PTPRS: variants seen among roughly 807,000 people sequenced by gnomAD.
PTPRS encodes the protein protein tyrosine phosphatase receptor type S, also known as receptor-type tyrosine-protein phosphatase S.
In PTPRS, 63 loss-of-function variants were observed where a neutral mutation model predicts 215.3. That is an observed-to-expected ratio of 0.29 (90% CI 0.24 to 0.36). PTPRS has a LOEUF of 0.36. PTPRS is among the 10% of genes least tolerant of loss of function. The probability of loss-of-function intolerance (pLI) is 1.00; values close to 1 mark genes in which losing one functional copy is unlikely to be tolerated. For missense variants in PTPRS, 2,258 were observed against 2,825.8 expected, an observed-to-expected ratio of 0.80 and a Z score of 4.56; for synonymous variants, 1,404 against 1,191.4, an observed-to-expected ratio of 1.18 and a Z score of -3.68.
At position 5,245,790 on chromosome 19, in the gene PTPRS, T is replaced by C. The variant is rs1406625017; in HGVS notation, c.974A>G (p.Gln325Arg). 1 of 1,602,604 alleles carries C rather than the reference T, an allele frequency of 6.2e-7. No individual in the cohort carries two copies. The highest frequency in any genetic ancestry group is 1.7e-5 in the Admixed American group (1 of 59,206). The change falls in exon 10 of 38, where the codon CAG becomes CGG. Residue 325 changes from glutamine (Q) to arginine (R), a missense_variant. Physicochemically the swap from Gln to Arg is conservative, Grantham distance 43. This residue lies in a region of PTPRS where 508 missense variants were observed against 799.4 expected (regional missense o/e 0.64). Coordinates refer to ENST00000262963, the MANE Select transcript of PTPRS (RefSeq NM_002850.4). The part of the protein sequence containing the change: ...SSLGVIEAVA[Q>R]ITVKSLPKAP... Reference sequence around the variant, plus strand: ...GCCCTGCTCACATTTCACCGTGATCTGAGCAACCGCCTCAATGACGCCCAG... The same window carrying C: ...GCCCTGCTCACATTTCACCGTGATCCGAGCAACCGCCTCAATGACGCCCAG...
intron 1 of PTPRS, among the ~76,000 whole-genome samples, chr19:5,321,142 G>A (rs568071621): frequency 6.6e-6 from 1 of 152,148 alleles, no homozygotes; most frequent in South Asian, 2.1e-4. Context: ...GCATGGTGGT[G>A]TGCACCTATA....
chr19:5,228,927 C>T (rs921877817), intron 16 of PTPRS, among the ~76,000 whole-genome samples: 1 of 152,130 alleles, frequency 6.6e-6, no homozygotes, highest in Non-Finnish European at 1.5e-5. Context: ...AATTGAGTGA[C>T]AGTAAAGGGT....
At chr19:5,209,480 G>GTA (rs1380504766) in intron 35 of PTPRS, among the ~76,000 whole-genome samples, 1 of 152,116 alleles carries the variant, frequency 6.6e-6, no homozygotes, top group African/African-American at 2.4e-5. Context: ...GCCATCCAAT[G>GTA]TACCATCTTT....
chr19:5,317,630 C>A (rs1041532153), intron 1 of PTPRS, among the ~76,000 whole-genome samples: 1 of 152,184 alleles, frequency 6.6e-6, no homozygotes, highest in African/African-American at 2.4e-5. Flanking sequence ...ACTGACAGCA[C>A]AAATTTTCCT....
chr19:5,298,735 T>C (rs531765203), intron 1 of PTPRS, among the ~76,000 whole-genome samples: 2 of 152,348 alleles, frequency 1.3e-5, no homozygotes, highest in African/African-American at 2.4e-5. Context: ...TGTCTGCCTT[T>C]TTCACCTGTC....
In PTPRS at chr19:5,257,427, T is replaced by C; in HGVS notation, c.706+590A>G. The C allele has an allele frequency of 2.2e-6, 1 of 458,348 alleles. No individual in the cohort carries two copies. Among genetic ancestry groups the C allele is most frequent in the Non-Finnish European group, 4.4e-6 (1 of 227,898 alleles). The allele number at this position is 458,348 out of a possible 1,614,324, so 28.4% of individuals were successfully genotyped here. A position where few individuals can be genotyped will look rare whatever the true frequency, so the allele number is the denominator to read the frequency against. On this transcript the variant is annotated intron_variant, in intron 8 of 37. Coordinates refer to ENST00000262963, the MANE Select transcript of PTPRS (RefSeq NM_002850.4). This position sits in a 1 kb window ranked among gnomAD's most constrained non-coding sequence, Gnocchi z 4.4. ...AGCCTCCCATCGGCCTGGACTGCCC[T>C]TCTCGGAGAGTCATTAGGAAGAGGC...
intron 3 of PTPRS, 143 bp downstream of exon 3, chr19:5,274,055 TG>T: frequency 8.5e-7 from 1 of 1,181,902 alleles, no homozygotes. Flanking sequence ...GGGCCCTGGC[TG>T]GAGGCTGCGC....
At chr19:5,302,199 T>TA (rs201735449) in intron 1 of PTPRS, among the ~76,000 whole-genome samples, 66 of 151,462 alleles carry the variant, frequency 4.4e-4, no homozygotes, top group Non-Finnish European at 5.5e-4. Context: ...CCCCCGTCTC[T>TA]AAAAAAAATT....
chr19:5,232,885 C>T (rs539724421), intron 13 of PTPRS, among the ~76,000 whole-genome samples: 15 of 151,234 alleles, frequency 9.9e-5, no homozygotes, highest in Admixed American at 9.2e-4. Context: ...TAAGCACCTA[C>T]GATGTGCCAG....
At chr19:5,300,982 G>A (rs1171053449) in intron 1 of PTPRS, among the ~76,000 whole-genome samples, 1 of 152,152 alleles carries the variant, frequency 6.6e-6, no homozygotes, top group Non-Finnish European at 1.5e-5. Context: ...GGGCAGCCAC[G>A]TTAGGGTATC....
chr19:5,251,744 G>A (rs1462926850), intron 9 of PTPRS, among the ~76,000 whole-genome samples: 2 of 152,126 alleles, frequency 1.3e-5, no homozygotes, highest in African/African-American at 2.4e-5. Flanking sequence ...CTGCCTTCCC[G>A]CCCCTGGAGT....
At chr19:5,266,882 T>G (rs1399501351) in intron 4 of PTPRS, among the ~76,000 whole-genome samples, 1 of 152,000 alleles carries the variant, frequency 6.6e-6, no homozygotes, top group Non-Finnish European at 1.5e-5. Context: ...GGAATCCCCG[T>G]TCCCACATCT....
intron 11 of PTPRS, among the ~76,000 whole-genome samples, chr19:5,243,368 T>G (rs1392076992): frequency 6.6e-6 from 1 of 151,958 alleles, no homozygotes; most frequent in Non-Finnish European, 1.5e-5. Flanking sequence ...ACTCCTGACC[T>G]CAGGTAATCC....
At chr19:5,335,090 C>T (rs1002526620) in intron 1 of PTPRS, among the ~76,000 whole-genome samples, 10 of 152,208 alleles carry the variant, frequency 6.6e-5, no homozygotes, top group East Asian at 1.9e-4. Flanking sequence ...CAATTACCCA[C>T]GTGACAGCGC....
chr19:5,224,439 T>A (rs565579787), intron 17 of PTPRS, among the ~76,000 whole-genome samples: 4 of 152,342 alleles, frequency 2.6e-5, no homozygotes, highest in South Asian at 2.1e-4. Flanking sequence ...TGCAGGCACC[T>A]GACCAATACC....
intron 5 of PTPRS, among the ~76,000 whole-genome samples, chr19:5,264,335 G>A (rs2046249422): frequency 6.6e-6 from 1 of 152,160 alleles, no homozygotes. Context: ...CTTCTGTAGA[G>A]GATGCTCTCT....
chr19:5,247,632 C>G (rs568192906), intron 9 of PTPRS, among the ~76,000 whole-genome samples: 3 of 152,150 alleles, frequency 2.0e-5, no homozygotes, highest in Non-Finnish European at 2.9e-5. Flanking sequence ...GTTAGGATCC[C>G]CATCAACACC....
chr19:5,240,117 G>T, intron 12 of PTPRS, 82 bp downstream of exon 12: 1 of 1,384,138 alleles, frequency 7.2e-7, no homozygotes, highest in African/African-American at 1.5e-5. Context: ...GGGACAAAGA[G>T]GGGGAAGAGA....
rs777387511 is a variant in PTPRS, at chr19:5,258,013, C to T, written c.706+4G>A. 1.2e-6 allele frequency: 2 copies of T among 1,612,788 alleles called. No homozygotes were observed. The highest frequency in any genetic ancestry group is 3.3e-5 in the Admixed American group (2 of 59,978). On this transcript the variant is annotated splice_donor_region_variant and intron_variant, in intron 8 of 37. Transcript: ENST00000262963. ...GCCTTTGACCTGGACGCGGCGTTCC[C>T]TACCTCGCACGTAGAGGTTGGCAGG...
Sources: allele counts gnomAD v4.1 joint callset (sites outside exome capture counted in the v4.1 genomes callset), GRCh38; gene constraint gnomAD v4.1.1; regional missense constraint gnomAD v4.1.1; non-coding constraint Gnocchi (gnomAD v3.1); transcripts MANE v1.5; gene names NCBI Gene and HGNC (gene_info 2026-07-23, HGNC 2026-07-21).